Variants in CTLA4 observed in about 807,000 individuals in gnomAD.
CTLA4 encodes the protein cytotoxic T-lymphocyte protein 4.
A neutral mutation model predicts 20.4 loss-of-function variants in CTLA4; 3 were observed. That is an observed-to-expected ratio of 0.15 (90% CI 0.07 to 0.38). The LOEUF (loss-of-function observed/expected upper bound fraction) is 0.38, where lower values mean the gene tolerates loss of function less well. Among genes scored for constraint, CTLA4 ranks in the 10% least tolerant of loss-of-function variants. CTLA4 has a pLI of 1.00. For synonymous variants in CTLA4, 100 were observed against 105.2 expected (o/e 0.95, Z 0.30); for missense variants, 184 against 276.8 (o/e 0.66, Z 2.38).
At chr2:203,868,583 A>G (rs1421614973) in intron 1 of CTLA4, among the ~76,000 whole-genome samples, 1 of 152,148 alleles carries the variant, frequency 6.6e-6, no homozygotes, top group Admixed American at 6.5e-5. Context: ...ACTTAATTCA[A>G]GGTTTTAAGG....
intron 1 of CTLA4, among the ~76,000 whole-genome samples, chr2:203,869,253 A>G (rs1001673353): frequency 1.1e-4 from 17 of 152,250 alleles, no homozygotes; most frequent in Admixed American, 5.9e-4. Flanking sequence ...AGATATGATT[A>G]GCTCACAAAT....
Position 203,870,710 on chromosome 2 carries a change from C to T in CTLA4, c.234C>T (p.Asp78=). 6.2e-7 allele frequency: 1 copy of T among 1,614,234 alleles called. No individual in the cohort carries two copies. The highest frequency in any genetic ancestry group is 8.5e-7 in the Non-Finnish European group (1 of 1,180,046). ...GGGTGACAGTGCTTCGGCAGGCTGA[C>T]AGCCAGGTGACTGAAGTCTGTGCGG... ...EVRVTVLRQA[D]SQVTEVCAAT... is the part of the protein sequence containing the mutation. The change falls in exon 2 of 4, where the codon GAC becomes GAT. Residue 78 remains aspartate, a synonymous_variant. Coordinates refer to ENST00000648405, the MANE Select transcript of CTLA4 (RefSeq NM_005214.5). This position sits in a 1 kb window ranked among gnomAD's most constrained non-coding sequence, Gnocchi z 5.3.
chr2:203,873,166 C>G lies in CTLA4; in HGVS notation c.*354C>G. 1 of 406,754 alleles carries G rather than the reference C, an allele frequency of 2.5e-6. No homozygotes were observed. The highest frequency in any genetic ancestry group is 3.5e-5 in the East Asian group (1 of 28,690). 25.2% of individuals were successfully genotyped at this position (406,754 alleles called of 1,614,324 possible). A position where few individuals can be genotyped will look rare whatever the true frequency, so the allele number is the denominator to read the frequency against. On this transcript the variant is annotated 3_prime_UTR_variant, in exon 4 of 4. Coordinates refer to ENST00000648405, the MANE Select transcript of CTLA4 (RefSeq NM_005214.5). ...GAGGGAGAAGACTATATTGTACACA[C>G]CTTATATTTACGTATGAGACGTTTA...
chr2:203,872,892 T>A lies in CTLA4; in HGVS notation c.*80T>A. Reference sequence around the variant, plus strand: ...TCTAACTTTTTTGCTATCCAGCTATTTTTATTTGTTTGTGCATTTGGGGGG... The same window carrying A: ...TCTAACTTTTTTGCTATCCAGCTATATTTATTTGTTTGTGCATTTGGGGGG... On this transcript the variant is annotated 3_prime_UTR_variant, in exon 4 of 4. Transcript: ENST00000648405. The A allele has an allele frequency of 2.1e-6, 2 of 939,090 alleles. No homozygotes were observed. Among genetic ancestry groups the A allele is most frequent in the East Asian group, 5.1e-5 (2 of 39,416 alleles). The allele number at this position is 939,090 out of a possible 1,614,324, so 58.2% of individuals were successfully genotyped here. A position where few individuals can be genotyped will look rare whatever the true frequency, so the allele number is the denominator to read the frequency against.
At chr2:203,869,528 C>G (rs1451654608) in intron 1 of CTLA4, among the ~76,000 whole-genome samples, 1 of 152,148 alleles carries the variant, frequency 6.6e-6, no homozygotes, top group East Asian at 1.9e-4. Flanking sequence ...AAAGTGTGTC[C>G]TAGAAATTCA....
At chr2:203,869,538 AG>A in intron 1 of CTLA4, among the ~76,000 whole-genome samples, 1 of 152,372 alleles carries the variant, frequency 6.6e-6, no homozygotes, top group East Asian at 1.9e-4. Context: ...CTAGAAATTC[AG>A]ACCAGAGTGA....
At position 203,872,887 on chromosome 2, in the gene CTLA4, G is replaced by C; in HGVS notation, c.*75G>C. The C allele has an allele frequency of 1.0e-6, 1 of 980,010 alleles. No homozygotes were observed. The highest frequency in any genetic ancestry group is 1.6e-6 in the Non-Finnish European group (1 of 624,328). 60.7% of individuals were successfully genotyped at this position (980,010 alleles called of 1,614,324 possible). On this transcript the variant is annotated 3_prime_UTR_variant, in exon 4 of 4. Coordinates refer to ENST00000648405, the MANE Select transcript of CTLA4 (RefSeq NM_005214.5). ...GCAATTCTAACTTTTTTGCTATCCA[G>C]CTATTTTTATTTGTTTGTGCATTTG...
chr2:203,871,878 C>T (rs1025087052), intron 3 of CTLA4, among the ~76,000 whole-genome samples: 3 of 152,218 alleles, frequency 2.0e-5, no homozygotes, highest in Non-Finnish European at 4.4e-5. Flanking sequence ...TATTCTCCTT[C>T]TCCATGTCCC....
chr2:203,871,513 A>G (rs1471753422), intron 3 of CTLA4, 26 bp downstream of exon 3: 5 of 1,545,350 alleles, frequency 3.2e-6, no homozygotes, highest in East Asian at 2.2e-5. Context: ...ATGGTGCACC[A>G]TGTCTGATGG....
Position 203,870,773 on chromosome 2 carries a change from T to C in CTLA4, c.297T>C (p.Asp99=). The C allele has an allele frequency of 6.2e-7, 1 of 1,614,216 alleles. No individual in the cohort carries two copies. The highest frequency in any genetic ancestry group is 8.5e-7 in the Non-Finnish European group (1 of 1,180,034). The change falls in exon 2 of 4, where the codon GAT becomes GAC. Residue 99 remains aspartate, a synonymous_variant. Coordinates refer to ENST00000648405, the MANE Select transcript of CTLA4 (RefSeq NM_005214.5). The surrounding 1 kb of genome is among the most constrained non-coding windows in gnomAD (Gnocchi z 5.3). ...YMMGNELTFL[D]DSICTGTSSG... Reference sequence around the variant, plus strand: ...TGGGGAATGAGTTGACCTTCCTAGATGATTCCATCTGCACGGGCACCTCCA... The same window carrying C: ...TGGGGAATGAGTTGACCTTCCTAGACGATTCCATCTGCACGGGCACCTCCA...
At chr2:203,869,733 C>T (rs1370292279) in intron 1 of CTLA4, among the ~76,000 whole-genome samples, 1 of 152,192 alleles carries the variant, frequency 6.6e-6, no homozygotes. Flanking sequence ...GGTAATTTGG[C>T]ATGCAGCCAC....
intron 3 of CTLA4, 88 bp downstream of exon 3, chr2:203,871,575 T>G (rs1688734434): frequency 9.6e-6 from 10 of 1,039,992 alleles, no homozygotes; most frequent in Non-Finnish European, 1.5e-5. Context: ...AGTTTAGTGT[T>G]CTTGAGATGA....
At position 203,873,796 on chromosome 2, in the gene CTLA4, A is replaced by G. The variant is rs1194944467; in HGVS notation, c.*984A>G. On this transcript the variant is annotated 3_prime_UTR_variant, in exon 4 of 4. Transcript: ENST00000648405. ...TTCGATGGGCCCAATTCTTACAAACATGTGGTTAATGCCATGGACAGAAGA... is the reference window on the plus strand; with the variant it reads ...TTCGATGGGCCCAATTCTTACAAACGTGTGGTTAATGCCATGGACAGAAGA... 6 of 228,330 alleles carry G rather than the reference A, an allele frequency of 2.6e-5. No individual in the cohort carries two copies. Among genetic ancestry groups the G allele is most frequent in the Non-Finnish European group, 5.2e-5 (6 of 114,756 alleles). 14.1% of individuals were successfully genotyped at this position (228,330 alleles called of 1,614,324 possible). A position where few individuals can be genotyped will look rare whatever the true frequency, so the allele number is the denominator to read the frequency against.
Position 203,873,515 on chromosome 2 carries a change from A to C in CTLA4, c.*703A>C, listed in dbSNP as rs1054840852. ...GAAGTTTTGTGGAGGAGCTCAGGAC[A>C]CTAATACACCAGGTAGAACACAAGG... is the stretch of plus-strand genomic sequence containing the variant. On this transcript the variant is annotated 3_prime_UTR_variant, in exon 4 of 4. Transcript: ENST00000648405. 8.1e-5 allele frequency: 18 copies of C among 220,944 alleles called. No homozygotes were observed. The highest frequency in any genetic ancestry group is 2.3e-4 in the Admixed American group (4 of 17,352). The allele number at this position is 220,944 out of a possible 1,614,324, so 13.7% of individuals were successfully genotyped here.
chr2:203,871,039 G>A (rs887066161), intron 2 of CTLA4, 106 bp downstream of exon 2: 31 of 923,580 alleles, frequency 3.4e-5, no homozygotes, highest in Non-Finnish European at 4.1e-5. Context: ...TAGGACTGTG[G>A]ACATTCTCTT....
rs571127332 is a variant in CTLA4, at chr2:203,872,856, G to C, written c.*44G>C. 4 of 1,292,108 alleles carry C rather than the reference G, an allele frequency of 3.1e-6. No homozygotes were observed. The East Asian group carries it at 7.0e-5, about 22-fold the overall frequency. 80.0% of individuals were successfully genotyped at this position (1,292,108 alleles called of 1,614,324 possible). On this transcript the variant is annotated 3_prime_UTR_variant, in exon 4 of 4. Coordinates refer to ENST00000648405, the MANE Select transcript of CTLA4 (RefSeq NM_005214.5). Reference sequence around the variant, plus strand: ...AGAGTCCATATTTCAATTTCCAAGAGCTGAGGCAATTCTAACTTTTTTGCT... The same window carrying C: ...AGAGTCCATATTTCAATTTCCAAGACCTGAGGCAATTCTAACTTTTTTGCT...
intron 3 of CTLA4, among the ~76,000 whole-genome samples, chr2:203,872,100 C>T (rs987485683): frequency 1.3e-5 from 2 of 152,182 alleles, no homozygotes; most frequent in Admixed American, 1.3e-4. Context: ...AATCAGGCCT[C>T]CTGTCAGGAT....
chr2:203,870,494 TG>T lies in CTLA4; in HGVS notation c.110-88del. On this transcript the variant is annotated intron_variant, in intron 1 of 3. Transcript: ENST00000648405. This position sits in a 1 kb window ranked among gnomAD's most constrained non-coding sequence, Gnocchi z 5.3. ...TCGTTGAAGGGGGGAGAAAAGGCCG[TG>T]GGGATGAAGCTAGAAGGCAGAAGGG... The T allele has an allele frequency of 7.2e-7, 1 of 1,390,746 alleles. No homozygotes were observed. Among genetic ancestry groups the T allele is most frequent in the Non-Finnish European group, 9.9e-7 (1 of 1,009,496 alleles). The allele number at this position is 1,390,746 out of a possible 1,614,324, so 86.2% of individuals were successfully genotyped here.
At position 203,872,916 on chromosome 2, in the gene CTLA4, G is replaced by A. The variant is rs968501039; in HGVS notation, c.*104G>A. Reference sequence around the variant, plus strand: ...TTTTTATTTGTTTGTGCATTTGGGGGGAATTCATCTCTCTTTAATATAAAG... The same window carrying A: ...TTTTTATTTGTTTGTGCATTTGGGGAGAATTCATCTCTCTTTAATATAAAG... On this transcript the variant is annotated 3_prime_UTR_variant, in exon 4 of 4. Transcript: ENST00000648405. 2.7e-6 allele frequency: 2 copies of A among 739,382 alleles called. No individual in the cohort carries two copies. Among genetic ancestry groups the A allele is most frequent in the Non-Finnish European group, 4.6e-6 (2 of 430,772 alleles). The allele number at this position is 739,382 out of a possible 1,614,324, so 45.8% of individuals were successfully genotyped here.
Sources: gnomAD v4.1 joint callset for allele counts (sites outside exome capture counted in the v4.1 genomes callset) on GRCh38, gnomAD v4.1.1 for gene constraint, Gnocchi (gnomAD v3.1) non-coding constraint, MANE v1.5 for transcripts, NCBI Gene and HGNC (gene_info 2026-07-23, HGNC 2026-07-21) for gene names.